CSAD: variants seen among roughly 807,000 people sequenced by gnomAD.
CSAD encodes cysteine sulfinic acid decarboxylase, also known as P-selectin cytoplasmic tail-associated protein.
In CSAD, 47 loss-of-function variants were observed where a neutral mutation model predicts 61.5. That is an observed-to-expected ratio of 0.76 (90% CI 0.60 to 0.97). The LOEUF is 0.97. Among genes scored for constraint, CSAD ranks in the 50% least tolerant of loss-of-function variants. The probability of loss-of-function intolerance (pLI) is 0.00; values close to 1 mark genes in which losing one functional copy is unlikely to be tolerated. For synonymous variants in CSAD, 245 were observed against 252.7 expected (o/e 0.97, Z 0.29); for missense variants, 611 against 643.6 (o/e 0.95, Z 0.55).
chr12:53,178,557 C>T (rs1194432714), intron 2 of CSAD, among the ~76,000 whole-genome samples: 5 of 151,988 alleles, frequency 3.3e-5, no homozygotes, highest in African/African-American at 1.2e-4. Context: ...TTTGGGAGGC[C>T]AAGGTGGGTA....
chr12:53,171,156 G>A (rs1299689097), intron 8 of CSAD, 170 bp downstream of exon 8: 2 of 960,786 alleles, frequency 2.1e-6, no homozygotes, highest in South Asian at 1.4e-5. Flanking sequence ...AAGGCAATGT[G>A]AACAGGAGCA....
chr12:53,180,174 G>T, intron 1 of CSAD: 1 of 985,416 alleles, frequency 1.0e-6, no homozygotes, highest in Non-Finnish European at 1.2e-6. Flanking sequence ...AGCGCACAAA[G>T]CAAGAGTGTG....
chr12:53,158,416 G>A lies in CSAD; in HGVS notation c.*95C>T, dbSNP rs917716931. ...CTCCCAAAGTGCTGGGATTACAGGCGTGAGCCACTGCACCCGGCCTCAAAG... is the reference window on the plus strand; with the variant it reads ...CTCCCAAAGTGCTGGGATTACAGGCATGAGCCACTGCACCCGGCCTCAAAG... On this transcript the variant is annotated 3_prime_UTR_variant, in exon 17 of 17. Coordinates refer to ENST00000444623, the MANE Select transcript of CSAD (RefSeq NM_001244705.2). 2.5e-5 allele frequency: 33 copies of A among 1,335,538 alleles called. No homozygotes were observed. In the East Asian group the frequency reaches 2.6e-4, roughly 11 times the overall value. The allele number at this position is 1,335,538 out of a possible 1,614,324, so 82.7% of individuals were successfully genotyped here.
intron 10 of CSAD, among the ~76,000 whole-genome samples, chr12:53,166,881 C>A (rs1940005818): frequency 6.6e-6 from 1 of 152,124 alleles, no homozygotes; most frequent in South Asian, 2.1e-4. Context: ...GTATTTAACA[C>A]TACTGAACTG....
intron 1 of CSAD, chr12:53,179,777 A>T: frequency 6.2e-7 from 1 of 1,612,216 alleles, no homozygotes; most frequent in Non-Finnish European, 8.5e-7. Flanking sequence ...TATCACCTAC[A>T]GCAGAAATGA....
intron 12 of CSAD, 85 bp downstream of exon 12, chr12:53,161,042 G>T: frequency 7.1e-7 from 1 of 1,405,368 alleles, no homozygotes. Context: ...TCCTACCCCA[G>T]CCATGTTAAA....
At chr12:53,178,015 C>G (rs1024058043) in intron 2 of CSAD, 1 of 168,292 alleles carries the variant, frequency 5.9e-6, no homozygotes, top group Admixed American at 6.2e-5. Flanking sequence ...AAAATTAAAA[C>G]AAATACTATT....
In CSAD at chr12:53,173,461, A is replaced by C; in HGVS notation, c.10T>G (p.Ser4Ala). ...CCAGCAAGGGAGGGGAGTGCTTCTG[A>C]GTCAGCCATCAGGATCTGTGGCAGA... MAD[S>A]EALPSLAGDP... Residue 4 changes from serine to alanine, a missense_variant, in exon 4 of 17, where the codon TCA becomes GCA. Ser to Ala is a moderately conservative substitution (Grantham distance 99). Coordinates refer to ENST00000444623, the MANE Select transcript of CSAD (RefSeq NM_001244705.2). 6.2e-7 allele frequency: 1 copy of C among 1,614,178 alleles called. No homozygotes were observed. Among genetic ancestry groups the C allele is most frequent in the Non-Finnish European group, 8.5e-7 (1 of 1,180,024 alleles).
chr12:53,158,094 A>T lies in CSAD; in HGVS notation c.*417T>A, dbSNP rs1376929516. On this transcript the variant is annotated 3_prime_UTR_variant, in exon 17 of 17. Transcript: ENST00000444623. ...TTAGTTAGGAGAAAGTTAGTAGGTCAAAGCATATAAACATTGCGCAGGTCA... is the reference window on the plus strand; with the variant it reads ...TTAGTTAGGAGAAAGTTAGTAGGTCTAAGCATATAAACATTGCGCAGGTCA... 1 of 152,978 alleles carries T rather than the reference A, an allele frequency of 6.5e-6. No homozygotes were observed. The allele number at this position is 152,978 out of a possible 1,614,324, so 9.5% of individuals were successfully genotyped here. A position where few individuals can be genotyped will look rare whatever the true frequency, so the allele number is the denominator to read the frequency against.
chr12:53,179,715 G>GTTTTT, intron 1 of CSAD: 1 of 1,233,756 alleles, frequency 8.1e-7, no homozygotes, highest in South Asian at 1.4e-5. Flanking sequence ...TCATCATACA[G>GTTTTT]TTTTTTTTTT....
At position 53,160,130 on chromosome 12, in the gene CSAD, C is replaced by T. The variant is rs1162092628; in HGVS notation, c.1156G>A (p.Val386Ile). 1.2e-6 allele frequency: 2 copies of T among 1,613,392 alleles called. No homozygotes were observed. Reference protein sequence around the residue: ...GLERRIDQAFVLARYLVEEMK... With the variant: ...GLERRIDQAFILARYLVEEMK... ...CCTCCTCCCGCCTACCGGGCAAGGA[C>T]AAAGGCCTGGTCGATGCGCCGCTCC... The change falls in exon 14 of 17, where the codon GTC becomes ATC. Residue 386 changes from valine to isoleucine, a missense_variant. Transcript: ENST00000444623.
chr12:53,160,499 G>A (rs2272306), intron 13 of CSAD, among the ~76,000 whole-genome samples, 180 bp from the exon 14 acceptor site: 16,237 of 152,170 alleles, frequency 0.11, 1,059 homozygotes, highest in Middle Eastern at 0.18. Flanking sequence ...CAATACCCAG[G>A]GTTCTTCCCA....
rs762340465 is a variant in CSAD at position 53,160,181 on chromosome 12, A to T, written c.1105T>A (p.Trp369Arg). 1 of 1,614,132 alleles carries T rather than the reference A, an allele frequency of 6.2e-7. No homozygotes were observed. The highest frequency in any genetic ancestry group is 1.1e-5 in the South Asian group (1 of 91,084). Reference sequence around the variant, plus strand: ...AGCCCTTGATCGCCCTGTGCCTTCCACATGAGCCACAGCTTCAGACAGTCC... The same window carrying T: ...AGCCCTTGATCGCCCTGTGCCTTCCTCATGAGCCACAGCTTCAGACAGTCC... ...RVDCLKLWLM[W>R]KAQGDQGLER... Residue 369 changes from tryptophan (W) to arginine (R), a missense_variant, in exon 14 of 17, where the codon TGG becomes AGG. Physicochemically the swap from Trp to Arg is moderately radical, Grantham distance 101. Coordinates refer to ENST00000444623, the MANE Select transcript of CSAD (RefSeq NM_001244705.2).
At position 53,172,591 on chromosome 12, in the gene CSAD, T is replaced by G; in HGVS notation, c.184A>C (p.Ser62Arg). 1 of 1,612,072 alleles carries G rather than the reference T, an allele frequency of 6.2e-7. No homozygotes were observed. The highest frequency in any genetic ancestry group is 8.5e-7 in the Non-Finnish European group (1 of 1,179,334). The change falls in exon 5 of 17, where the codon AGC (serine) becomes CGC (arginine). Residue 62 changes from serine (S) to arginine (R), a missense_variant. Transcript: ENST00000444623. ...LKQLLDLELRSQGESQKQILE... is the reference protein window; with the variant it reads ...LKQLLDLELRRQGESQKQILE... ...ATCTGCTTCTGTGACTCGCCCTGGCTCCGCAGCTCCAAATCCAGCAGCTGC... is the reference window on the plus strand; with the variant it reads ...ATCTGCTTCTGTGACTCGCCCTGGCGCCGCAGCTCCAAATCCAGCAGCTGC...
chr12:53,167,211 A>G (rs1018620653), intron 10 of CSAD, among the ~76,000 whole-genome samples: 1 of 152,198 alleles, frequency 6.6e-6, no homozygotes, highest in Admixed American at 6.5e-5. Context: ...TGGATGAGGA[A>G]GACTACAGGT....
In CSAD at chr12:53,172,558, G is replaced by A. The variant is rs543917331; in HGVS notation, c.217C>T (p.Arg73Trp). The A allele has an allele frequency of 1.9e-5, 31 of 1,613,640 alleles. No individual in the cohort carries two copies. Among genetic ancestry groups the A allele is most frequent in the Admixed American group, 8.3e-5 (5 of 59,960 alleles). Reference sequence around the variant, plus strand: ...CTGTAGCGAATCACAGCCCGACACCGCTCCAGGATCTGCTTCTGTGACTCG... The same window carrying A: ...CTGTAGCGAATCACAGCCCGACACCACTCCAGGATCTGCTTCTGTGACTCG... Reference protein sequence around the residue: ...QGESQKQILERCRAVIRYSVK... With the variant: ...QGESQKQILEWCRAVIRYSVK... Residue 73 changes from arginine to tryptophan, a missense_variant, in exon 5 of 17, where the codon CGG (arginine) becomes TGG (tryptophan). Arg to Trp is a moderately radical substitution (Grantham distance 101, BLOSUM62 -3). Coordinates refer to ENST00000444623, the MANE Select transcript of CSAD (RefSeq NM_001244705.2).
chr12:53,166,333 GA>G (rs964187824), intron 10 of CSAD: 12 of 147,400 alleles, frequency 8.1e-5, no homozygotes, highest in East Asian at 2.0e-4. Context: ...TCCATCTCGA[GA>G]AAAAAAAAAG....
intron 10 of CSAD, among the ~76,000 whole-genome samples, chr12:53,167,725 C>A (rs1940093654): frequency 1.3e-5 from 2 of 152,172 alleles, no homozygotes; most frequent in South Asian, 4.1e-4. Context: ...AAAGATATGA[C>A]AAGTGCTGGT....
In CSAD at chr12:53,180,554, G is replaced by T. The variant is rs548601941; in HGVS notation, c.-91+178C>A. 23 of 1,280,654 alleles carry T rather than the reference G, an allele frequency of 1.8e-5. No homozygotes were observed. The African/African-American group carries it at 3.1e-4, about 17-fold the overall frequency. 79.3% of individuals were successfully genotyped at this position (1,280,654 alleles called of 1,614,324 possible). On this transcript the variant is annotated intron_variant, in intron 1 of 16. Coordinates refer to ENST00000444623, the MANE Select transcript of CSAD (RefSeq NM_001244705.2). ...CTCCTCCATGCCCTCGGCGCACGGC[G>T]CCGCCCACTCACCCAGCTGCACCTC...
Sources: allele counts gnomAD v4.1 joint callset (sites outside exome capture counted in the v4.1 genomes callset), GRCh38; gene constraint gnomAD v4.1.1; transcripts MANE v1.5; gene names NCBI Gene and HGNC (gene_info 2026-07-23, HGNC 2026-07-21).